The following IFT80 variants were observed in gnomAD, a reference collection of about 807,000 sequenced individuals.
The protein encoded by IFT80 is intraflagellar transport protein 80 homolog.
Under a neutral mutation model 107.9 loss-of-function variants are expected in IFT80, and 79 were observed. The observed-to-expected ratio is 0.73, with a 90% CI of 0.61 to 0.88. IFT80 has a LOEUF of 0.88. IFT80 is among the 40% of genes least tolerant of loss of function. IFT80 has a pLI of 0.00. For synonymous variants in IFT80, 299 were observed against 300.9 expected (o/e 0.99, Z 0.07); for missense variants, 797 against 914.2 (o/e 0.87, Z 1.65).
intron 4 of IFT80, 94 bp downstream of exon 4, chr3:160,377,336 T>C: frequency 2.7e-6 from 2 of 753,088 alleles, no homozygotes; most frequent in Admixed American, 1.9e-5. Context: ...TATTACACAA[T>C]GAAAGACACT....
chr3:160,366,288 AAATT>A, intron 5 of IFT80, 136 bp from the exon 6 acceptor site: 1 of 674,440 alleles, frequency 1.5e-6, no homozygotes, highest in Non-Finnish European at 2.6e-6. Flanking sequence ...TGGACCTTTC[AAATT>A]AGAGTATATA....
At chr3:160,288,194 G>C (rs545039005) in intron 12 of IFT80, among the ~76,000 whole-genome samples, 1 of 152,108 alleles carries the variant, frequency 6.6e-6, no homozygotes, top group African/African-American at 2.4e-5. Flanking sequence ...TTAGCCAGGC[G>C]TGGCAGCCTG....
chr3:160,336,015 T>C (rs1719436285), intron 8 of IFT80, among the ~76,000 whole-genome samples: 1 of 152,234 alleles, frequency 6.6e-6, no homozygotes, highest in Non-Finnish European at 1.5e-5. Flanking sequence ...CCAAATAATA[T>C]TCTATTGTAT....
At chr3:160,349,397 C>T (rs1408786823) in intron 8 of IFT80, among the ~76,000 whole-genome samples, 3 of 151,572 alleles carry the variant, frequency 2.0e-5, no homozygotes, top group Non-Finnish European at 4.4e-5. Flanking sequence ...TGCAGTGAGC[C>T]GAGATCGCTC....
At chr3:160,338,564 T>C (rs979039691) in intron 8 of IFT80, among the ~76,000 whole-genome samples, 1 of 151,074 alleles carries the variant, frequency 6.6e-6, no homozygotes, top group Non-Finnish European at 1.5e-5. Context: ...CCTGAGAGGC[T>C]GAGGCTACAG....
chr3:160,328,758 G>A (rs1361361149), intron 8 of IFT80, among the ~76,000 whole-genome samples: 2 of 152,062 alleles, frequency 1.3e-5, no homozygotes, highest in African/African-American at 2.4e-5. Flanking sequence ...ATTACAGGCT[G>A]GAGAACGAAA....
At chr3:160,359,747 C>T (rs1475689725) in intron 6 of IFT80, among the ~76,000 whole-genome samples, 1 of 152,220 alleles carries the variant, frequency 6.6e-6, no homozygotes. Flanking sequence ...TCCAACAGAC[C>T]TGCAGTTGAG....
At chr3:160,300,146 C>T (rs186352923) in intron 12 of IFT80, among the ~76,000 whole-genome samples, 153 of 152,194 alleles carry the variant, frequency 1.0e-3, no homozygotes, top group Non-Finnish European at 1.6e-3. Flanking sequence ...TCTCACCCTG[C>T]GCTAGTTTTC....
At chr3:160,342,523 A>G (rs1447734034) in intron 8 of IFT80, among the ~76,000 whole-genome samples, 1 of 152,170 alleles carries the variant, frequency 6.6e-6, no homozygotes, top group African/African-American at 2.4e-5. Flanking sequence ...GACTATAAGG[A>G]CTTTTAAAAG....
chr3:160,263,770 A>G (rs1713057498), intron 19 of IFT80, among the ~76,000 whole-genome samples: 1 of 151,848 alleles, frequency 6.6e-6, no homozygotes, highest in African/African-American at 2.4e-5. Flanking sequence ...TCCAAATCCC[A>G]GGTTCAAGCA....
intron 18 of IFT80, among the ~76,000 whole-genome samples, chr3:160,270,827 C>A (rs1350271316): frequency 3.9e-5 from 6 of 152,120 alleles, no homozygotes; most frequent in Non-Finnish European, 5.9e-5. Flanking sequence ...ACCTTAGAAG[C>A]TCCATCTCCC....
At chr3:160,339,099 T>C (rs1158407136) in intron 8 of IFT80, among the ~76,000 whole-genome samples, 2 of 152,216 alleles carry the variant, frequency 1.3e-5, no homozygotes, top group Admixed American at 1.3e-4. Flanking sequence ...GATAATGTTC[T>C]TTATTAATAT....
At position 160,319,821 on chromosome 3, in the gene IFT80, A is replaced by C. The variant is rs746995909; in HGVS notation, c.896T>G (p.Val299Gly). The C allele has an allele frequency of 1.2e-6, 2 of 1,613,064 alleles. No homozygotes were observed. Among genetic ancestry groups the C allele is most frequent in the Non-Finnish European group, 1.7e-6 (2 of 1,179,310 alleles). The change falls in exon 9 of 20, where the codon GTG becomes GGG. Residue 299 changes from valine to glycine, a missense_variant. Transcript: ENST00000326448. ...ATTTTTCCACTCCCAATGTTGTTCC[A>C]CCACATGTGCAAAAACGACATGTCC... ...GNGHVVFAHV[V>G]EQHWEWKNFQ...
At chr3:160,285,399 T>C (rs1715012790) in intron 13 of IFT80, among the ~76,000 whole-genome samples, 1 of 152,168 alleles carries the variant, frequency 6.6e-6, no homozygotes, top group South Asian at 2.1e-4. Flanking sequence ...TATAGCGATT[T>C]CTTACTACAG....
intron 8 of IFT80, among the ~76,000 whole-genome samples, chr3:160,355,562 T>C (rs1190585210): frequency 6.6e-6 from 1 of 152,100 alleles, no homozygotes; most frequent in African/African-American, 2.4e-5. Flanking sequence ...TGTCCTCTGG[T>C]CTTAAAATGA....
intron 6 of IFT80, among the ~76,000 whole-genome samples, chr3:160,362,143 AAGG>A (rs1406854537): frequency 6.6e-6 from 1 of 152,148 alleles, no homozygotes; most frequent in Non-Finnish European, 1.5e-5. Context: ...AGACTAATAA[AAGG>A]AGAAGAGAGA....
intron 8 of IFT80, 36 bp from the exon 9 acceptor site, chr3:160,319,975 T>C (rs755500496): frequency 6.4e-7 from 1 of 1,574,638 alleles, no homozygotes; most frequent in East Asian, 2.3e-5. Flanking sequence ...ATGGACTTAC[T>C]GAAAAAAAAT....
chr3:160,276,961 C>T (rs925932583), intron 18 of IFT80, among the ~76,000 whole-genome samples: 7 of 152,124 alleles, frequency 4.6e-5, no homozygotes, highest in South Asian at 4.1e-4. Flanking sequence ...ATTTAATCAA[C>T]GATTATAACT....
intron 19 of IFT80, among the ~76,000 whole-genome samples, chr3:160,263,433 C>T (rs542643164): frequency 6.6e-5 from 10 of 152,266 alleles, no homozygotes; most frequent in Admixed American, 1.3e-4. Flanking sequence ...GCCTTCATTA[C>T]GAAGTCTATT....
Sources: allele counts gnomAD v4.1 joint callset (sites outside exome capture counted in the v4.1 genomes callset), GRCh38; gene constraint gnomAD v4.1.1; transcripts MANE v1.5; gene names NCBI Gene and HGNC (gene_info 2026-07-23, HGNC 2026-07-21).